The following CCDC178 variants were observed in gnomAD, a reference collection of about 807,000 sequenced individuals.
CCDC178 encodes the protein coiled-coil domain containing 178, also known as coiled-coil domain-containing protein 178.
In CCDC178, 126 loss-of-function variants were observed where a neutral mutation model predicts 117.4. That is an observed-to-expected ratio of 1.07 (90% confidence interval 0.93 to 1.24). The LOEUF is 1.24. CCDC178 is among the 50% of genes most tolerant of loss of function. CCDC178 has a pLI of 0.00. For missense variants in CCDC178, 1,030 were observed against 986.9 expected (o/e 1.04, Z -0.59); for synonymous variants, 283 against 313.4 (o/e 0.90, Z 1.02).
intron 3 of CCDC178, among the ~76,000 whole-genome samples, chr18:33,410,129 G>A (rs759733183): frequency 5.3e-5 from 8 of 152,116 alleles, no homozygotes; most frequent in Non-Finnish European, 1.2e-4. Flanking sequence ...ATCATTTTCT[G>A]TTCCAATTTA....
intron 18 of CCDC178, among the ~76,000 whole-genome samples, chr18:33,221,864 G>A (rs1318560119): frequency 6.6e-6 from 1 of 152,026 alleles, no homozygotes; most frequent in Non-Finnish European, 1.5e-5. Flanking sequence ...GCTAAGTGAA[G>A]ATGCTTTCTA....
At chr18:32,942,577 T>C (rs989725517) in intron 22 of CCDC178, among the ~76,000 whole-genome samples, 2 of 152,124 alleles carry the variant, frequency 1.3e-5, no homozygotes, top group African/African-American at 4.8e-5. Flanking sequence ...TATGGGAGAA[T>C]GTTAAGTCAT....
intron 22 of CCDC178, among the ~76,000 whole-genome samples, chr18:32,958,965 C>T (rs1404872452): frequency 2.0e-5 from 3 of 152,054 alleles, no homozygotes; most frequent in Non-Finnish European, 2.9e-5. Context: ...TCTCTGGACC[C>T]GTAACTCAGC....
chr18:32,959,715 G>C (rs2144655002), intron 22 of CCDC178, among the ~76,000 whole-genome samples: 3 of 151,986 alleles, frequency 2.0e-5, no homozygotes. Flanking sequence ...ATTATATAAT[G>C]ATGATGCTAA....
chr18:33,379,128 ATATATATTTCCATATATATATAAT>A (rs2063402382), intron 5 of CCDC178, among the ~76,000 whole-genome samples: 2 of 139,104 alleles, frequency 1.4e-5, no homozygotes, highest in Non-Finnish European at 3.1e-5. Flanking sequence ...TATATATAAT[ATATATATTTCCATATATATATAAT>A]ATATATATTT....
intron 20 of CCDC178, among the ~76,000 whole-genome samples, chr18:33,105,667 A>G (rs1325776812): frequency 6.6e-6 from 1 of 151,652 alleles, no homozygotes; most frequent in Non-Finnish European, 1.5e-5. Flanking sequence ...AAATTTATCT[A>G]TGTACATTTT....
intron 3 of CCDC178, 24 bp downstream of exon 3, chr18:33,412,007 A>C (rs770184227): frequency 4.9e-6 from 6 of 1,232,242 alleles, no homozygotes; most frequent in East Asian, 2.4e-5. Context: ...ATTTTCAAAG[A>C]AAATCAATTT....
At position 33,370,125 on chromosome 18, in the gene CCDC178, A is replaced by G. The variant is rs2063276394; in HGVS notation, c.273T>C (p.Ile91=). Reference sequence around the variant, plus strand: ...TCATTTTGTTGACACAAGGTGCTGGAATATTTACTACGGCACAGCTGTGAC... The same window carrying G: ...TCATTTTGTTGACACAAGGTGCTGGGATATTTACTACGGCACAGCTGTGAC... ...CRRHSCAVVN[I]PAPCVNKMIS... Residue 91 remains isoleucine, a synonymous_variant, in exon 6 of 23, where the codon ATT becomes ATC. Transcript: ENST00000383096. The G allele has an allele frequency of 6.2e-7, 1 of 1,606,810 alleles. No homozygotes were observed. The highest frequency in any genetic ancestry group is 8.5e-7 in the Non-Finnish European group (1 of 1,176,694).
intron 11 of CCDC178, among the ~76,000 whole-genome samples, chr18:33,321,021 A>G (rs1332392359): frequency 6.6e-6 from 1 of 152,218 alleles, no homozygotes; most frequent in Non-Finnish European, 1.5e-5. Context: ...TGATGCTGGG[A>G]AAACTGGCTA....
chr18:33,376,081 T>C (rs2063361762), intron 5 of CCDC178, among the ~76,000 whole-genome samples: 1 of 152,220 alleles, frequency 6.6e-6, no homozygotes, highest in African/African-American at 2.4e-5. Flanking sequence ...TACGTTGGCA[T>C]ACTTCCAAGA....
chr18:33,280,865 A>G (rs1301913573), intron 12 of CCDC178, among the ~76,000 whole-genome samples: 2 of 152,128 alleles, frequency 1.3e-5, no homozygotes, highest in African/African-American at 2.4e-5. Flanking sequence ...AAAAAACTAA[A>G]CACCGCATGT....
Position 33,330,833 on chromosome 18 carries a change from C to T in CCDC178, c.879+2341G>A, listed in dbSNP as rs146874501. 2.6e-5 allele frequency among the ~76,000 whole-genome samples: 4 copies of T among 152,096 alleles called. No homozygotes were observed. The East Asian group carries it at 7.8e-4, about 29-fold the overall frequency. On this transcript the variant is annotated intron_variant, in intron 10 of 22. Transcript: ENST00000383096. ...AAGACCTTCAGTTGATTGCACAAGGCCTACCCACAATATGGAGAATAATAT... is the reference window on the plus strand; with the variant it reads ...AAGACCTTCAGTTGATTGCACAAGGTCTACCCACAATATGGAGAATAATAT...
At chr18:33,269,419 A>AC (rs1252290651) in intron 12 of CCDC178, among the ~76,000 whole-genome samples, 2 of 151,808 alleles carry the variant, frequency 1.3e-5, no homozygotes, top group Admixed American at 6.6e-5. Flanking sequence ...TTCTGGAAAT[A>AC]CCTGAGAAGC....
At chr18:33,254,099 GA>G (rs1365249188) in intron 14 of CCDC178, among the ~76,000 whole-genome samples, 1 of 151,778 alleles carries the variant, frequency 6.6e-6, no homozygotes, top group African/African-American at 2.4e-5. Context: ...TCTTGCTTTG[GA>G]ACAGAAAGAG....
intron 17 of CCDC178, among the ~76,000 whole-genome samples, chr18:33,224,313 TA>T (rs2059274813): frequency 6.6e-6 from 1 of 152,182 alleles, no homozygotes; most frequent in East Asian, 1.9e-4. Context: ...TGATATCAGT[TA>T]CTGCCATAAA....
At chr18:33,243,506 A>G (rs926041105) in intron 15 of CCDC178, among the ~76,000 whole-genome samples, 2 of 151,912 alleles carry the variant, frequency 1.3e-5, no homozygotes, top group African/African-American at 2.4e-5. Flanking sequence ...TATGTACCCA[A>G]TAAATATCTA....
At chr18:33,213,556 T>G (rs1300330517) in intron 19 of CCDC178, among the ~76,000 whole-genome samples, 1 of 151,960 alleles carries the variant, frequency 6.6e-6, no homozygotes, top group Admixed American at 6.6e-5. Flanking sequence ...AAAAAAACAT[T>G]GATATATTTT....
At chr18:33,172,020 C>T (rs2058606924) in intron 20 of CCDC178, among the ~76,000 whole-genome samples, 1 of 152,168 alleles carries the variant, frequency 6.6e-6, no homozygotes, top group African/African-American at 2.4e-5. Context: ...AAGCAATTCT[C>T]CTGCCTCAGC....
intron 12 of CCDC178, among the ~76,000 whole-genome samples, chr18:33,279,417 C>G (rs1382200833): frequency 1.3e-5 from 2 of 151,694 alleles, no homozygotes; most frequent in Non-Finnish European, 3.0e-5. Context: ...AGGACCTCTT[C>G]AAGAACTACA....
Sources: gnomAD v4.1 joint callset for allele counts (sites outside exome capture counted in the v4.1 genomes callset) on GRCh38, gnomAD v4.1.1 for gene constraint, MANE v1.5 for transcripts, NCBI Gene and HGNC (gene_info 2026-07-23, HGNC 2026-07-21) for gene names.